Variants in KTN1 observed in about 807,000 individuals in gnomAD.
KTN1 encodes the protein kinectin 1.
Under a neutral mutation model 222.5 loss-of-function variants are expected in KTN1, and 130 were observed. That is an observed-to-expected ratio of 0.58 (90% confidence interval 0.51 to 0.68). The LOEUF (loss-of-function observed/expected upper bound fraction) is 0.68, where lower values mean the gene tolerates loss of function less well. KTN1 is among the 30% of genes least tolerant of loss of function. The pLI is 0.00. For missense variants in KTN1, 1,508 were observed against 1,500.4 expected, an observed-to-expected ratio of 1.01 and a Z score of -0.08; for synonymous variants, 512 against 496.3, an observed-to-expected ratio of 1.03 and a Z score of -0.42.
intron 43 of KTN1, chr14:55,682,216 T>C (rs1417250332): frequency 2.0e-5 from 3 of 152,124 alleles, no homozygotes; most frequent in Non-Finnish European, 2.9e-5. Flanking sequence ...TTAACTGATA[T>C]CTTTAATTTG....
In KTN1 at chr14:55,614,952, G is replaced by C. The variant is rs890424644; in HGVS notation, c.524-1565G>C. The stretch of plus-strand genomic sequence containing the variant: ...ACGTAGAGCAACTCAGGATGCAGTA[G>C]GGTATGTAAATGTAGAAAAGTAGAT... On this transcript the variant is annotated intron_variant, in intron 2 of 43. Transcript: ENST00000395314. Among the ~76,000 whole-genome samples the C allele has an allele frequency of 3.3e-5, 5 of 152,158 alleles. No individual in the cohort carries two copies. In the East Asian group the frequency reaches 9.6e-4, roughly 29 times the overall value.
At chr14:55,634,490 A>G in intron 8 of KTN1, 36 bp from the exon 9 acceptor site, 2 of 1,553,284 alleles carry the variant, frequency 1.3e-6, no homozygotes, top group African/African-American at 2.8e-5. Context: ...TATATTTGTA[A>G]TAACGGAAGG....
At chr14:55,594,856 A>G (rs1007146963) in intron 1 of KTN1, among the ~76,000 whole-genome samples, 3 of 152,210 alleles carry the variant, frequency 2.0e-5, no homozygotes, top group African/African-American at 4.8e-5. Context: ...AGAAGATTTG[A>G]TAGTGGATGG....
intron 31 of KTN1, 122 bp from the exon 32 acceptor site, chr14:55,661,400 A>G: frequency 1.7e-6 from 1 of 580,744 alleles, no homozygotes; most frequent in Non-Finnish European, 3.1e-6. Context: ...TCTTTAATGT[A>G]CTTTTCAAGG....
At chr14:55,614,890 CT>C (rs1453273922) in intron 2 of KTN1, among the ~76,000 whole-genome samples, 1 of 152,200 alleles carries the variant, frequency 6.6e-6, no homozygotes, top group Non-Finnish European at 1.5e-5. Context: ...GAAGAGAACA[CT>C]TCCAGTTTGT....
At chr14:55,680,276 T>C (rs1053727319) in intron 43 of KTN1, 1 of 160,806 alleles carries the variant, frequency 6.2e-6, no homozygotes, top group Non-Finnish European at 1.4e-5. Flanking sequence ...GCTTTTATTG[T>C]CTATATTACC....
Position 55,678,525 on chromosome 14 carries a change from C to T in KTN1, c.3948+81C>T, listed in dbSNP as rs115879803. On this transcript the variant is annotated intron_variant, in intron 42 of 43. Transcript: ENST00000395314. ...AAGAACAAAAATGTATAAGGTCCATCTCCGAAAGTCATCTTTCTTGAAAAT... is the reference window on the plus strand; with the variant it reads ...AAGAACAAAAATGTATAAGGTCCATTTCCGAAAGTCATCTTTCTTGAAAAT... The T allele has an allele frequency of 3.6e-4, 290 of 795,700 alleles. No homozygotes were observed. The African/African-American group carries it at 4.5e-3, about 12-fold the overall frequency. The allele number at this position is 795,700 out of a possible 1,614,324, so 49.3% of individuals were successfully genotyped here.
At chr14:55,609,700 T>G (rs1159961937) in intron 1 of KTN1, among the ~76,000 whole-genome samples, 1 of 152,160 alleles carries the variant, frequency 6.6e-6, no homozygotes, top group African/African-American at 2.4e-5. Flanking sequence ...CTGCAGCTTA[T>G]TCATTAGGCC....
In KTN1 at chr14:55,612,450, C is replaced by T. The variant is rs764745005; in HGVS notation, c.402C>T (p.Asp134=). 1.2e-4 allele frequency: 199 copies of T among 1,613,966 alleles called. 1 individual carries two copies. The highest frequency in any genetic ancestry group is 1.4e-4 in the Non-Finnish European group (166 of 1,180,004). Residue 134 remains aspartate, a synonymous_variant, in exon 2 of 44, where the codon GAC becomes GAT. Coordinates refer to ENST00000395314, the MANE Select transcript of KTN1 (RefSeq NM_001079521.2). ...AAGAGCAGGTCATCAAAGAAAGTGA[C>T]GCATCAAAGATTCCTGGCAAAAAAG... ...VLEEQVIKES[D]ASKIPGKKVE...
chr14:55,619,743 G>C (rs1377956655), intron 5 of KTN1, among the ~76,000 whole-genome samples: 1 of 152,012 alleles, frequency 6.6e-6, no homozygotes, highest in Admixed American at 6.5e-5. Flanking sequence ...GTCCCACCAG[G>C]TCCCTCCCAC....
intron 1 of KTN1, among the ~76,000 whole-genome samples, chr14:55,606,085 T>G (rs760145587): frequency 6.6e-6 from 1 of 152,158 alleles, no homozygotes; most frequent in Non-Finnish European, 1.5e-5. Flanking sequence ...TTTTGTTGTT[T>G]TTTGTTTTTT....
At chr14:55,585,224 C>G (rs2032724960) in intron 1 of KTN1, among the ~76,000 whole-genome samples, 1 of 151,510 alleles carries the variant, frequency 6.6e-6, no homozygotes. Context: ...TGCTCCTTTC[C>G]TCTTTCAGGG....
chr14:55,610,049 ATTC>A (rs1566701139), intron 1 of KTN1, among the ~76,000 whole-genome samples: 1 of 152,224 alleles, frequency 6.6e-6, no homozygotes, highest in Non-Finnish European at 1.5e-5. Flanking sequence ...TTAGCACATG[ATTC>A]CTTTTCCCCC....
intron 6 of KTN1, among the ~76,000 whole-genome samples, chr14:55,628,770 AAAATT>A (rs2140889325): frequency 6.6e-6 from 1 of 151,786 alleles, no homozygotes; most frequent in African/African-American, 2.4e-5. Context: ...AGTTGTTAAT[AAAATT>A]AGAAACTTTA....
At chr14:55,641,781 C>G in intron 18 of KTN1, 21 bp downstream of exon 18, 1 of 1,398,450 alleles carries the variant, frequency 7.2e-7, no homozygotes, top group Non-Finnish European at 1.0e-6. Flanking sequence ...TCCTAAATTA[C>G]AAAGTAGAAA....
chr14:55,616,771 T>G (rs1374717364), intron 3 of KTN1, 117 bp downstream of exon 3: 41 of 758,852 alleles, frequency 5.4e-5, no homozygotes, highest in Non-Finnish European at 8.5e-5. Context: ...TAATGACAAC[T>G]GTAATACTAA....
chr14:55,606,745 CTTAAA>C (rs1287081548), intron 1 of KTN1, among the ~76,000 whole-genome samples: 9 of 152,006 alleles, frequency 5.9e-5, no homozygotes, highest in African/African-American at 2.2e-4. Flanking sequence ...AGTTTGGTTA[CTTAAA>C]TTATTGTTTC....
chr14:55,583,047 C>G (rs1481265262), intron 1 of KTN1, among the ~76,000 whole-genome samples: 1 of 152,136 alleles, frequency 6.6e-6, no homozygotes, highest in Non-Finnish European at 1.5e-5. Context: ...TTTCAAATCA[C>G]TGGGAAAATA....
intron 18 of KTN1, among the ~76,000 whole-genome samples, chr14:55,642,170 C>T (rs1249182523): frequency 2.0e-5 from 3 of 152,044 alleles, no homozygotes; most frequent in Admixed American, 1.3e-4. Context: ...CTTTGTGACA[C>T]CTCTCATTCC....
Sources: gnomAD v4.1 joint callset for allele counts (sites outside exome capture counted in the v4.1 genomes callset) on GRCh38, gnomAD v4.1.1 for gene constraint, MANE v1.5 for transcripts, NCBI Gene and HGNC (gene_info 2026-07-23, HGNC 2026-07-21) for gene names.